Variants in FBN2 observed in about 807,000 individuals in gnomAD.
FBN2 encodes fibrillin-2.
A neutral mutation model predicts 355.6 loss-of-function variants in FBN2; 105 were observed. The ratio of observed to expected loss-of-function variants is 0.30; its 90% CI spans 0.25 to 0.35. FBN2 has a LOEUF of 0.35. Ranked by LOEUF, FBN2 falls within the 10% of genes least tolerant of loss-of-function variation. FBN2 has a pLI of 1.00. For synonymous variants in FBN2, 1,350 were observed against 1,301.2 expected, an observed-to-expected ratio of 1.04 and a Z score of -0.81; for missense variants, 3,280 against 3,758.7, an observed-to-expected ratio of 0.87 and a Z score of 3.33.
chr5:128,302,957 T>G lies in FBN2; in HGVS notation c.5917+16A>C, dbSNP rs755726335. On this transcript the variant is annotated intron_variant, in intron 46 of 64. Transcript: ENST00000262464. ...AAATGAAATAGAAGCAATAAAGGAC[T>G]GAATGAAGTACTTACCCAGGCAATC... The G allele has an allele frequency of 7.8e-7, 1 of 1,276,920 alleles. No individual in the cohort carries two copies. 79.1% of individuals were successfully genotyped at this position (1,276,920 alleles called of 1,614,324 possible). A position where few individuals can be genotyped will look rare whatever the true frequency, so the allele number is the denominator to read the frequency against.
chr5:128,437,098 G>C (rs1753785817), intron 7 of FBN2, among the ~76,000 whole-genome samples: 1 of 152,076 alleles, frequency 6.6e-6, no homozygotes, highest in Admixed American at 6.6e-5. Context: ...ATATTCCTTG[G>C]GAAAATCCAA....
chr5:128,279,166 TTAAACAAATGAG>T (rs1319147781), intron 56 of FBN2, among the ~76,000 whole-genome samples: 1 of 152,186 alleles, frequency 6.6e-6, no homozygotes, highest in African/African-American at 2.4e-5. Context: ...TTATTTTCCT[TTAAACAAATGAG>T]TGCCAGGATT....
chr5:128,301,426 C>T lies in FBN2; in HGVS notation c.6002G>A (p.Cys2001Tyr), dbSNP rs878854476. The stretch of plus-strand genomic sequence containing the variant: ...TGGGGTAAGTTCATAACCTTCGTTA[C>T]ATAGACACTTGAAAGAACCAATTTC... Reference protein sequence around the residue: ...FNEIGSFKCLCNEGYELTPDG... With the variant: ...FNEIGSFKCLYNEGYELTPDG... The change falls in exon 47 of 65, where the codon TGT (cysteine) becomes TAT (tyrosine). Residue 2001 changes from cysteine (C) to tyrosine (Y), a missense_variant. By Grantham distance (194) the Cys-to-Tyr change is radical. Coordinates refer to ENST00000262464, the MANE Select transcript of FBN2 (RefSeq NM_001999.4). 6.2e-7 allele frequency: 1 copy of T among 1,613,336 alleles called. No individual in the cohort carries two copies. Among genetic ancestry groups the T allele is most frequent in the Non-Finnish European group, 8.5e-7 (1 of 1,179,548 alleles).
chr5:128,426,699 AGTAATGAAGGG>A (rs1306381238), intron 7 of FBN2, among the ~76,000 whole-genome samples: 1 of 152,204 alleles, frequency 6.6e-6, no homozygotes, highest in East Asian at 1.9e-4. Flanking sequence ...AGAAGCCCTC[AGTAATGAAGGG>A]GCATGGTGTC....
intron 5 of FBN2, among the ~76,000 whole-genome samples, chr5:128,506,894 T>G (rs1282159485): frequency 6.6e-6 from 1 of 152,156 alleles, no homozygotes; most frequent in African/African-American, 2.4e-5. Context: ...TTTGTTCATA[T>G]AGTGAAACAC....
In FBN2 at chr5:128,288,325, C is replaced by G. The variant is rs900130001; in HGVS notation, c.6757+113G>C. On this transcript the variant is annotated intron_variant, in intron 53 of 64. Coordinates refer to ENST00000262464, the MANE Select transcript of FBN2 (RefSeq NM_001999.4). Reference sequence around the variant, plus strand: ...AACAAAAAACCCAAAAAACAAAAAACCCCACCGTATGCTCACCAGCAGAAT... The same window carrying G: ...AACAAAAAACCCAAAAAACAAAAAAGCCCACCGTATGCTCACCAGCAGAAT... 11 of 1,272,348 alleles carry G rather than the reference C, an allele frequency of 8.6e-6. No individual in the cohort carries two copies. In the East Asian group the frequency reaches 2.0e-4, roughly 23 times the overall value. The allele number at this position is 1,272,348 out of a possible 1,614,324, so 78.8% of individuals were successfully genotyped here.
At chr5:128,347,614 C>G (rs900523919) in intron 23 of FBN2, among the ~76,000 whole-genome samples, 2 of 152,122 alleles carry the variant, frequency 1.3e-5, no homozygotes, top group African/African-American at 4.8e-5. Flanking sequence ...TTTACCAAAA[C>G]TTTAGTTCTC....
chr5:128,436,054 T>C (rs1753760692), intron 7 of FBN2, among the ~76,000 whole-genome samples: 2 of 152,148 alleles, frequency 1.3e-5, no homozygotes, highest in Non-Finnish European at 2.9e-5. Flanking sequence ...CCATGAAATA[T>C]GGCTGTTAGT....
At chr5:128,451,239 T>A (rs529386087) in intron 6 of FBN2, among the ~76,000 whole-genome samples, 1 of 152,282 alleles carries the variant, frequency 6.6e-6, no homozygotes, top group African/African-American at 2.4e-5. Context: ...ATTACAAAAG[T>A]CCAAAGTATT....
At chr5:128,448,940 C>T (rs10074198) in intron 6 of FBN2, among the ~76,000 whole-genome samples, 16,500 of 151,752 alleles carry the variant, frequency 0.11, 1,031 homozygotes, top group African/African-American at 0.17. Context: ...AACAGAAATC[C>T]TTAGTATTGA....
At chr5:128,432,898 A>T (rs1561454399) in intron 7 of FBN2, among the ~76,000 whole-genome samples, 1 of 152,042 alleles carries the variant, frequency 6.6e-6, no homozygotes, top group African/African-American at 2.4e-5. Context: ...TCATGGCAGA[A>T]GAAGAGGCAC....
chr5:128,512,940 A>G (rs1756170744), intron 5 of FBN2, among the ~76,000 whole-genome samples: 1 of 152,204 alleles, frequency 6.6e-6, no homozygotes, highest in East Asian at 1.9e-4. Context: ...CAAAGTTAAC[A>G]TAATAGATAT....
rs747305733 is a variant in FBN2, at chr5:128,273,924, C to T, written c.7756G>A (p.Gly2586Arg). Residue 2586 changes from glycine to arginine, a missense_variant, in exon 61 of 65, where the codon GGA becomes AGA. Transcript: ENST00000262464. Reference protein sequence around the residue: ...GSQPSLCGAKGICQNTPGSFS... With the variant: ...GSQPSLCGAKRICQNTPGSFS... ...CTGCCTGGAGTGTTTTGACAGATTC[C>T]CTTTGCTCCACAAAGCGAAGGTTGA... The T allele has an allele frequency of 5.0e-6, 8 of 1,613,662 alleles. No individual in the cohort carries two copies. The African/African-American group carries it at 9.3e-5, about 19-fold the overall frequency.
chr5:128,537,306 C>T lies in FBN2; in HGVS notation c.254+44G>A, dbSNP rs775470118. 2.1e-5 allele frequency: 34 copies of T among 1,604,820 alleles called. 1 individual carries two copies. In the East Asian group the frequency reaches 6.9e-4, roughly 33 times the overall value. On this transcript the variant is annotated intron_variant, in intron 1 of 64. Transcript: ENST00000262464. ...GCCGCCAAACTGAGGATTCCCCCCT[C>T]CCCCAAGCCGGAGCCCTAGGTGCGG... is the stretch of plus-strand genomic sequence containing the variant.
intron 6 of FBN2, among the ~76,000 whole-genome samples, chr5:128,456,023 A>AAAAAAAAAAAAGC (rs1554070903): frequency 6.9e-6 from 1 of 145,778 alleles, no homozygotes; most frequent in Non-Finnish European, 1.5e-5. Context: ...AAAAAAAAAA[A>AAAAAAAAAAAAGC]GCAACTGCTG....
intron 27 of FBN2, 59 bp downstream of exon 27, chr5:128,337,938 G>A: frequency 1.3e-6 from 2 of 1,594,374 alleles, no homozygotes; most frequent in Admixed American, 1.7e-5. Flanking sequence ...TGTCAGAACT[G>A]ATCCCTGGTC....
Position 128,277,923 on chromosome 5 carries a change from G to A in FBN2, c.7428C>T (p.Cys2476=), listed in dbSNP as rs2126808790. The A allele has an allele frequency of 6.2e-7, 1 of 1,614,114 alleles. No homozygotes were observed. Among genetic ancestry groups the A allele is most frequent in the Non-Finnish European group, 8.5e-7 (1 of 1,179,992 alleles). ...INTMGSFRCF[C]KVGYTTDISG... The stretch of plus-strand genomic sequence containing the variant: ...TGATGTCTGTGGTGTAGCCAACCTT[G>A]CAGAAGCATCGGAATGAGCCCATGG... The change falls in exon 58 of 65, where the codon TGC becomes TGT. Residue 2476 remains cysteine (C), a synonymous_variant. Transcript: ENST00000262464.
intron 5 of FBN2, among the ~76,000 whole-genome samples, 198 bp from the exon 6 acceptor site, chr5:128,465,119 C>T (rs545386871): frequency 7.9e-5 from 12 of 152,320 alleles, no homozygotes; most frequent in African/African-American, 2.2e-4. Context: ...GTATTCCACA[C>T]TAGACACTGT....
intron 5 of FBN2, among the ~76,000 whole-genome samples, chr5:128,500,496 G>T (rs1755781476): frequency 7.7e-6 from 1 of 130,104 alleles, no homozygotes; most frequent in South Asian, 2.4e-4. Context: ...AGGCCGGACT[G>T]CTGTGGCGCG....
Sources: gnomAD v4.1 joint callset for allele counts (sites outside exome capture counted in the v4.1 genomes callset) on GRCh38, gnomAD v4.1.1 for gene constraint, MANE v1.5 for transcripts, NCBI Gene and HGNC (gene_info 2026-07-23, HGNC 2026-07-21) for gene names.